Variants in CC2D2A observed in about 807,000 individuals in gnomAD.
The protein encoded by CC2D2A is coiled-coil and C2 domain-containing protein 2A.
In CC2D2A, 155 loss-of-function variants were observed where a neutral mutation model predicts 212.9. That is an observed-to-expected ratio of 0.73 (90% confidence interval 0.64 to 0.83). The LOEUF is 0.83. Ranked by LOEUF, CC2D2A falls within the 40% of genes least tolerant of loss-of-function variation. The pLI is 0.00. For synonymous variants in CC2D2A, 667 were observed against 686.5 expected (o/e 0.97, Z 0.44); for missense variants, 1,856 against 1,956.2 (o/e 0.95, Z 0.97).
chr4:15,529,892 A>AT (rs150650398), intron 13 of CC2D2A, among the ~76,000 whole-genome samples: 2 of 142,972 alleles, frequency 1.4e-5, no homozygotes, highest in African/African-American at 2.6e-5. Context: ...TTTAAATTTT[A>AT]TTTTTTTTAA....
rs1232513846 is a variant in CC2D2A, at chr4:15,601,356, C to T, written c.4794C>T (p.Tyr1598=). ...VPNVEFALAV[Y]IHPYPKNVLS... is the part of the protein sequence containing the mutation. ...ATGTTGAATTTGCTTTAGCTGTATACATACACCCATACCCCAAAAATGTTT... is the reference window on the plus strand; with the variant it reads ...ATGTTGAATTTGCTTTAGCTGTATATATACACCCATACCCCAAAAATGTTT... Residue 1598 remains tyrosine, a synonymous_variant, in exon 37 of 37, where the codon TAC becomes TAT. Coordinates refer to ENST00000424120, the MANE Select transcript of CC2D2A (RefSeq NM_001378615.1). The T allele has an allele frequency of 1.2e-6, 2 of 1,600,378 alleles. No individual in the cohort carries two copies. The highest frequency in any genetic ancestry group is 1.7e-6 in the Non-Finnish European group (2 of 1,171,720).
At chr4:15,503,634 A>AG (rs11409164) in intron 6 of CC2D2A, among the ~76,000 whole-genome samples, 109,618 of 152,010 alleles carry the variant, frequency 0.72, 39,611 homozygotes, top group East Asian at 0.81. Context: ...TCAGATGCTA[A>AG]GGTCCTTGAA....
intron 1 of CC2D2A, among the ~76,000 whole-genome samples, chr4:15,473,481 G>T (rs945221645): frequency 6.6e-6 from 1 of 152,146 alleles, no homozygotes; most frequent in Non-Finnish European, 1.5e-5. Flanking sequence ...CAGCTACAAA[G>T]GTCCTGAGGC....
rs369133844 is a variant in CC2D2A at position 15,484,548 on chromosome 4, T to C, written c.247+3721T>C. 1.1e-4 allele frequency among the ~76,000 whole-genome samples: 16 copies of C among 151,374 alleles called. No homozygotes were observed. In the East Asian group the frequency reaches 3.1e-3, roughly 29 times the overall value. ...CCAACAGCAAAAATCCAGGTGGGAG[T>C]TATTGGGGAATGGGACTGGCGGGTA... On this transcript the variant is annotated intron_variant, in intron 4 of 36. Transcript: ENST00000424120.
intron 30 of CC2D2A, among the ~76,000 whole-genome samples, chr4:15,585,342 G>A (rs1048814457): frequency 1.3e-5 from 2 of 152,166 alleles, no homozygotes; most frequent in African/African-American, 2.4e-5. Context: ...TGTCATTTGC[G>A]ACAACATGGG....
chr4:15,562,082 C>A (rs902020174), intron 23 of CC2D2A, among the ~76,000 whole-genome samples: 1 of 152,178 alleles, frequency 6.6e-6, no homozygotes, highest in Non-Finnish European at 1.5e-5. Flanking sequence ...TTGTGTAAAA[C>A]CTTGGAGAAT....
At chr4:15,530,964 G>A (rs1435295329) in intron 13 of CC2D2A, among the ~76,000 whole-genome samples, 1 of 152,150 alleles carries the variant, frequency 6.6e-6, no homozygotes, top group Non-Finnish European at 1.5e-5. Context: ...AAGAAAACAT[G>A]AATGGTCATG....
At chr4:15,559,067 C>A in intron 21 of CC2D2A, 98 bp from the exon 22 acceptor site, 1 of 784,432 alleles carries the variant, frequency 1.3e-6, no homozygotes. Context: ...TATTTAAAAC[C>A]ACAAGTTATA....
At position 15,580,008 on chromosome 4, in the gene CC2D2A, A is replaced by C; in HGVS notation, c.3812A>C (p.Glu1271Ala). 2 of 1,613,880 alleles carry C rather than the reference A, an allele frequency of 1.2e-6. No homozygotes were observed. The highest frequency in any genetic ancestry group is 1.7e-6 in the Non-Finnish European group (2 of 1,179,840). ...QEDEKLLQAT[E>A]KFQAECALKF... is the part of the protein sequence containing the mutation. ...GATGAGAAATTACTTCAAGCAACTG[A>C]GAAGTTTCAAGCTGAATGTGCCTTA... The change falls in exon 30 of 37, where the codon GAG becomes GCG. Residue 1271 changes from glutamate to alanine, a missense_variant. Physicochemically the swap from Glu to Ala is moderately radical, Grantham distance 107. Around this residue, in one of 5 missense-constraint regions of CC2D2A, gnomAD observed 1,512 missense variants for 1,579.3 expected, o/e 0.96. Coordinates refer to ENST00000424120, the MANE Select transcript of CC2D2A (RefSeq NM_001378615.1).
chr4:15,482,684 T>C (rs919699884), intron 4 of CC2D2A, among the ~76,000 whole-genome samples: 1 of 152,062 alleles, frequency 6.6e-6, no homozygotes, highest in Non-Finnish European at 1.5e-5. Context: ...AACATACAGA[T>C]TTTCAGAGGG....
chr4:15,531,363 TTCC>T (rs1717838151), intron 13 of CC2D2A, among the ~76,000 whole-genome samples: 1 of 152,210 alleles, frequency 6.6e-6, no homozygotes. Context: ...CCTCGTCCCT[TTCC>T]AGCCATTTGT....
In CC2D2A at chr4:15,550,934, T is replaced by G. The variant is rs1183416202; in HGVS notation, c.2292T>G (p.Phe764Leu). The G allele has an allele frequency of 4.4e-6, 7 of 1,607,978 alleles. No homozygotes were observed. Among genetic ancestry groups the G allele is most frequent in the Non-Finnish European group, 5.1e-6 (6 of 1,175,156 alleles). The change falls in exon 18 of 37, where the codon TTT becomes TTG. Residue 764 changes from phenylalanine (F) to leucine (L), a missense_variant. Physicochemically the swap from Phe to Leu is conservative, Grantham distance 22. Coordinates refer to ENST00000424120, the MANE Select transcript of CC2D2A (RefSeq NM_001378615.1). ...TGRAPTEEVE[F>L]SSNQHVTLDH... ...GGGCTCCTACTGAAGAAGTGGAGTT[T>G]AGCAGTAATCAGCATGTGACACTGG...
At chr4:15,508,827 A>C (rs772108350) in intron 6 of CC2D2A, among the ~76,000 whole-genome samples, 15 of 152,290 alleles carry the variant, frequency 9.8e-5, no homozygotes, top group Non-Finnish European at 2.1e-4. Flanking sequence ...CTGTCCATAT[A>C]ATAATGATCA....
chr4:15,584,409 G>C (rs1720779200), intron 30 of CC2D2A, among the ~76,000 whole-genome samples: 1 of 152,118 alleles, frequency 6.6e-6, no homozygotes, highest in Admixed American at 6.5e-5. Context: ...AAAAAGGACA[G>C]TCTGGTCAAT....
chr4:15,597,478 C>A lies in CC2D2A; in HGVS notation c.4496+13C>A. 6.5e-7 allele frequency: 1 copy of A among 1,547,860 alleles called. No individual in the cohort carries two copies. The highest frequency in any genetic ancestry group is 8.7e-7 in the Non-Finnish European group (1 of 1,142,950). On this transcript the variant is annotated intron_variant, in intron 35 of 36. Coordinates refer to ENST00000424120, the MANE Select transcript of CC2D2A (RefSeq NM_001378615.1). The stretch of plus-strand genomic sequence containing the variant: ...AGCTACAAGACAGGTAACATAACAT[C>A]CATAAATCCACATGTAATCTGTCAC...
At chr4:15,582,353 A>G (rs1263058903) in intron 30 of CC2D2A, among the ~76,000 whole-genome samples, 1 of 152,216 alleles carries the variant, frequency 6.6e-6, no homozygotes, top group Non-Finnish European at 1.5e-5. Context: ...GGAAGAAATA[A>G]TAAAAATAAG....
At chr4:15,585,731 A>C (rs2109088154) in intron 30 of CC2D2A, among the ~76,000 whole-genome samples, 1 of 152,206 alleles carries the variant, frequency 6.6e-6, no homozygotes, top group Non-Finnish European at 1.5e-5. Context: ...AATGCATTGA[A>C]ACCTCACTGT....
chr4:15,541,029 T>G lies in CC2D2A; in HGVS notation c.2181+15T>G, dbSNP rs1718407379. 6.6e-7 allele frequency: 1 copy of G among 1,521,194 alleles called. No homozygotes were observed. Among genetic ancestry groups the G allele is most frequent in the Non-Finnish European group, 8.9e-7 (1 of 1,129,622 alleles). 94.2% of individuals were successfully genotyped at this position (1,521,194 alleles called of 1,614,324 possible). On this transcript the variant is annotated intron_variant, in intron 17 of 36. Coordinates refer to ENST00000424120, the MANE Select transcript of CC2D2A (RefSeq NM_001378615.1). ...TAACACTTCAGGTACACATTTTAAT[T>G]ATAGTTACTGGCCGGGCACTGTGGC...
Position 15,538,198 on chromosome 4 carries a change from C to A in CC2D2A, c.2003+61C>A, listed in dbSNP as rs1368363103. 4 of 1,458,250 alleles carry A rather than the reference C, an allele frequency of 2.7e-6. No individual in the cohort carries two copies. In the African/African-American group the frequency reaches 5.7e-5, roughly 21 times the overall value. The allele number at this position is 1,458,250 out of a possible 1,614,324, so 90.3% of individuals were successfully genotyped here. ...TCTGATACACATGTTCACGTGGGCA[C>A]ATGCACACACACATGCACGACATGG... is the stretch of plus-strand genomic sequence containing the variant. On this transcript the variant is annotated intron_variant, in intron 16 of 36. Coordinates refer to ENST00000424120, the MANE Select transcript of CC2D2A (RefSeq NM_001378615.1).
Sources: allele counts gnomAD v4.1 joint callset (sites outside exome capture counted in the v4.1 genomes callset), GRCh38; gene constraint gnomAD v4.1.1; regional missense constraint gnomAD v4.1.1; transcripts MANE v1.5; gene names NCBI Gene and HGNC (gene_info 2026-07-23, HGNC 2026-07-21).